Variants in CNTNAP2 observed in about 807,000 individuals in gnomAD.
CNTNAP2 encodes contactin-associated protein-like 2.
In CNTNAP2, 98 loss-of-function variants were observed where a neutral mutation model predicts 155.2. The ratio of observed to expected loss-of-function variants is 0.63; its 90% CI spans 0.54 to 0.75. The LOEUF (loss-of-function observed/expected upper bound fraction) is 0.75, where lower values mean the gene tolerates loss of function less well. Among genes scored for constraint, CNTNAP2 ranks in the 30% least tolerant of loss-of-function variants. The pLI is 0.00. For missense variants in CNTNAP2, 1,727 were observed against 1,688.1 expected (o/e 1.02, Z -0.40); for synonymous variants, 651 against 631.2 (o/e 1.03, Z -0.47).
chr7:147,079,126 G>C (rs1237446919), intron 4 of CNTNAP2, among the ~76,000 whole-genome samples: 2 of 152,102 alleles, frequency 1.3e-5, no homozygotes, highest in Non-Finnish European at 2.9e-5. Flanking sequence ...GCATATTTTG[G>C]TGCATGGTGT....
At chr7:147,286,745 A>AT (rs1563146618) in intron 8 of CNTNAP2, among the ~76,000 whole-genome samples, 1 of 152,110 alleles carries the variant, frequency 6.6e-6, no homozygotes, top group Non-Finnish European at 1.5e-5. Context: ...CTTCTCCTTT[A>AT]TAGCTAAACT....
intron 1 of CNTNAP2, among the ~76,000 whole-genome samples, chr7:146,431,019 AG>A (rs1230472896): frequency 6.6e-6 from 1 of 152,016 alleles, no homozygotes; most frequent in African/African-American, 2.4e-5. Flanking sequence ...CTACATATTG[AG>A]AACTGCTGTA....
intron 21 of CNTNAP2, among the ~76,000 whole-genome samples, chr7:148,283,255 A>AGAAAAGAAAAGAAAGAAAGAAAG (rs1277840999): frequency 6.0e-4 from 38 of 63,602 alleles, no homozygotes; most frequent in East Asian, 1.8e-3. Flanking sequence ...AAAAAAAAAA[A>AGAAAAGAAAAGAAAGAAAGAAAG]AAAGAAAGAA....
At chr7:146,789,756 G>C (rs1428130409) in intron 2 of CNTNAP2, among the ~76,000 whole-genome samples, 1 of 151,666 alleles carries the variant, frequency 6.6e-6, no homozygotes. Context: ...GAATCTGACA[G>C]AAGCTGTATT....
At chr7:146,528,041 C>G (rs1255095946) in intron 1 of CNTNAP2, among the ~76,000 whole-genome samples, 1 of 152,040 alleles carries the variant, frequency 6.6e-6, no homozygotes, top group African/African-American at 2.4e-5. Flanking sequence ...TTATTGTCTT[C>G]TTTCTATTGA....
chr7:148,130,695 A>T (rs534456313), intron 16 of CNTNAP2, among the ~76,000 whole-genome samples: 1 of 152,300 alleles, frequency 6.6e-6, no homozygotes, highest in African/African-American at 2.4e-5. Flanking sequence ...AGCCTCAGCT[A>T]TGTCCAGCTA....
chr7:147,318,018 A>C (rs1795266005), intron 9 of CNTNAP2, among the ~76,000 whole-genome samples: 1 of 152,122 alleles, frequency 6.6e-6, no homozygotes, highest in South Asian at 2.1e-4. Flanking sequence ...GAATAATTTT[A>C]ATGTTCTCCT....
chr7:147,714,485 C>A (rs985679110), intron 13 of CNTNAP2, among the ~76,000 whole-genome samples: 1 of 151,472 alleles, frequency 6.6e-6, no homozygotes, highest in Non-Finnish European at 1.5e-5. Flanking sequence ...CAAGAGGGAG[C>A]AAGAATTGTG....
intron 3 of CNTNAP2, among the ~76,000 whole-genome samples, chr7:146,911,662 G>T (rs562188277): frequency 2.4e-5 from 3 of 123,718 alleles, no homozygotes; most frequent in South Asian, 3.3e-4. Flanking sequence ...GTGGTGGGGT[G>T]GGGGGAGGGG....
intron 13 of CNTNAP2, among the ~76,000 whole-genome samples, chr7:147,642,722 CACT>C (rs1563035630): frequency 1.3e-5 from 2 of 152,026 alleles, no homozygotes; most frequent in African/African-American, 4.8e-5. Flanking sequence ...GTAAATATAT[CACT>C]TTCTTTGTAT....
intron 14 of CNTNAP2, among the ~76,000 whole-genome samples, chr7:147,917,486 A>T (rs747457331): frequency 2.0e-5 from 3 of 152,214 alleles, no homozygotes; most frequent in Non-Finnish European, 4.4e-5. Context: ...CTAGAGCTCC[A>T]GCCATTATGC....
chr7:147,744,469 C>G (rs1033310643), intron 13 of CNTNAP2, among the ~76,000 whole-genome samples: 1 of 152,152 alleles, frequency 6.6e-6, no homozygotes, highest in Non-Finnish European at 1.5e-5. Context: ...AAATATGTAG[C>G]GCTCTCCTTC....
chr7:147,449,321 G>C (rs1369329061), intron 10 of CNTNAP2, among the ~76,000 whole-genome samples: 1 of 152,140 alleles, frequency 6.6e-6, no homozygotes, highest in Middle Eastern at 3.4e-3. Context: ...TGCATTCCTT[G>C]ATTCCTCAGA....
intron 8 of CNTNAP2, among the ~76,000 whole-genome samples, chr7:147,152,232 G>A (rs906743667): frequency 1.3e-5 from 2 of 151,788 alleles, no homozygotes; most frequent in African/African-American, 4.8e-5. Context: ...AGCACCTAAT[G>A]ATTCATTGGT....
intron 3 of CNTNAP2, among the ~76,000 whole-genome samples, chr7:146,884,672 A>G (rs1795622338): frequency 6.6e-6 from 1 of 152,122 alleles, no homozygotes; most frequent in South Asian, 2.1e-4. Context: ...CCACTGGAGC[A>G]TAAGTAGAGT....
chr7:147,751,916 A>G (rs1050600979), intron 13 of CNTNAP2, among the ~76,000 whole-genome samples: 2 of 152,152 alleles, frequency 1.3e-5, no homozygotes, highest in African/African-American at 4.8e-5. Flanking sequence ...TACAGGAGAA[A>G]ATCAAGACCA....
intron 14 of CNTNAP2, among the ~76,000 whole-genome samples, chr7:147,916,652 A>T (rs1425887075): frequency 6.6e-6 from 1 of 151,390 alleles, no homozygotes; most frequent in Admixed American, 6.6e-5. Context: ...TTGCTTGAAA[A>T]AGAGGGAGAG....
chr7:147,680,207 T>C (rs1380503492), intron 13 of CNTNAP2, among the ~76,000 whole-genome samples: 1 of 151,860 alleles, frequency 6.6e-6, no homozygotes, highest in African/African-American at 2.4e-5. Flanking sequence ...ATAGTGGGTG[T>C]GAGGTATAGA....
intron 15 of CNTNAP2, among the ~76,000 whole-genome samples, chr7:148,064,289 A>G (rs1284582688): frequency 1.3e-5 from 2 of 152,010 alleles, no homozygotes; most frequent in African/African-American, 4.8e-5. Context: ...TTTGATGGGA[A>G]TTGCATTGAA....
Sources: allele counts gnomAD v4.1 joint callset (sites outside exome capture counted in the v4.1 genomes callset), GRCh38; gene constraint gnomAD v4.1.1; transcripts MANE v1.5; gene names NCBI Gene and HGNC (gene_info 2026-07-23, HGNC 2026-07-21).